Variants in SPAG16 observed in about 807,000 individuals in gnomAD.
The protein encoded by SPAG16 is sperm associated antigen 16.
SPAG16 carries 86 observed loss-of-function variants against 80.4 expected under a neutral mutation model. That is an observed-to-expected ratio of 1.07 (90% CI 0.90 to 1.28). The LOEUF is 1.28. Among genes scored for constraint, SPAG16 ranks in the 50% most tolerant of loss-of-function variants. SPAG16 has a pLI of 0.00. For missense variants in SPAG16, 870 were observed against 765.3 expected, an observed-to-expected ratio of 1.14 and a Z score of -1.61; for synonymous variants, 294 against 265.9, an observed-to-expected ratio of 1.11 and a Z score of -1.03.
At chr2:213,601,602 G>C (rs1366668560) in intron 10 of SPAG16, among the ~76,000 whole-genome samples, 2 of 151,228 alleles carry the variant, frequency 1.3e-5, no homozygotes, top group African/African-American at 4.9e-5. Flanking sequence ...CCTTAAATCT[G>C]AAATGAATAA....
At chr2:214,210,350 G>A in intron 15 of SPAG16, among the ~76,000 whole-genome samples, 1 of 151,926 alleles carries the variant, frequency 6.6e-6, no homozygotes, top group Non-Finnish European at 1.5e-5. Flanking sequence ...ACTTGCAGAT[G>A]AACCATGTAG....
chr2:213,644,280 C>T (rs760239073), intron 10 of SPAG16, among the ~76,000 whole-genome samples: 33 of 151,968 alleles, frequency 2.2e-4, no homozygotes, highest in Non-Finnish European at 4.3e-4. Flanking sequence ...TGTGTTTCTT[C>T]AGCACAGCTA....
In SPAG16 at chr2:214,200,932, G is replaced by C. The variant is rs988130900; in HGVS notation, c.1720+51666G>C. On this transcript the variant is annotated intron_variant, in intron 15 of 15. Transcript: ENST00000331683. ...AAATAATAATTACCACACATGGGAA[G>C]ACATTGTCTGAGACACAGAGTAATT... 2.6e-5 allele frequency among the ~76,000 whole-genome samples: 4 copies of C among 152,262 alleles called. No individual in the cohort carries two copies. The South Asian group carries it at 6.2e-4, about 24-fold the overall frequency.
chr2:213,493,798 A>T (rs552682612), intron 10 of SPAG16, among the ~76,000 whole-genome samples: 10 of 151,466 alleles, frequency 6.6e-5, no homozygotes, highest in South Asian at 2.1e-4. Context: ...TTGTTTAAAA[A>T]TTTTTTTTTC....
intron 6 of SPAG16, among the ~76,000 whole-genome samples, chr2:213,344,268 C>T (rs2064846065): frequency 6.6e-6 from 1 of 152,088 alleles, no homozygotes; most frequent in South Asian, 2.1e-4. Flanking sequence ...GGAGTGCTTC[C>T]TCTACTGTCT....
chr2:214,055,059 C>T (rs951121370), intron 13 of SPAG16, among the ~76,000 whole-genome samples: 3 of 152,096 alleles, frequency 2.0e-5, no homozygotes, highest in Non-Finnish European at 4.4e-5. Flanking sequence ...TTAAATTTGG[C>T]AGGCTTTTAG....
At chr2:214,070,823 A>G (rs1485557862) in intron 13 of SPAG16, among the ~76,000 whole-genome samples, 1 of 152,072 alleles carries the variant, frequency 6.6e-6, no homozygotes, top group Admixed American at 6.6e-5. Flanking sequence ...CTGCATATAT[A>G]TAGTATAACT....
At chr2:213,945,090 A>T (rs527372181) in intron 12 of SPAG16, among the ~76,000 whole-genome samples, 1 of 151,902 alleles carries the variant, frequency 6.6e-6, no homozygotes, top group South Asian at 2.1e-4. Flanking sequence ...GTTCTCTGCC[A>T]TGTGAAAATA....
At chr2:214,354,923 T>C (rs1333853867) in intron 15 of SPAG16, among the ~76,000 whole-genome samples, 14 of 152,266 alleles carry the variant, frequency 9.2e-5, no homozygotes, top group Admixed American at 3.9e-4. Context: ...GTTTTCTAGA[T>C]ATACAATCAT....
chr2:213,830,714 C>T (rs2073585444), intron 10 of SPAG16, among the ~76,000 whole-genome samples: 1 of 152,020 alleles, frequency 6.6e-6, no homozygotes, highest in African/African-American at 2.4e-5. Flanking sequence ...TGACATTATC[C>T]TGTATTGGAT....
At chr2:214,148,873 A>T (rs1245486451) in intron 14 of SPAG16, among the ~76,000 whole-genome samples, 1 of 151,858 alleles carries the variant, frequency 6.6e-6, no homozygotes, top group African/African-American at 2.4e-5. Context: ...AACTCCAAAA[A>T]TTTAGTGTAG....
intron 9 of SPAG16, among the ~76,000 whole-genome samples, chr2:213,433,390 G>C (rs1307531332): frequency 6.6e-6 from 1 of 152,172 alleles, no homozygotes; most frequent in Non-Finnish European, 1.5e-5. Context: ...ATTGATAAAT[G>C]TATTTAGTAA....
intron 15 of SPAG16, among the ~76,000 whole-genome samples, chr2:214,322,505 T>G (rs920196707): frequency 1.1e-5 from 1 of 94,184 alleles, no homozygotes; most frequent in Admixed American, 1.1e-4. Context: ...TGCCTCACCT[T>G]AGGCAAAAAA....
chr2:214,191,713 C>CAAAA (rs71037350), intron 15 of SPAG16, among the ~76,000 whole-genome samples: 3 of 68,790 alleles, frequency 4.4e-5, no homozygotes, highest in African/African-American at 3.3e-4. Flanking sequence ...GACTCTGTCT[C>CAAAA]AAAAAAAAAA....
intron 10 of SPAG16, among the ~76,000 whole-genome samples, chr2:213,620,598 T>G (rs1330670323): frequency 2.0e-5 from 3 of 152,058 alleles, no homozygotes. Context: ...GGCTGTATTG[T>G]GTATTTTCAA....
intron 15 of SPAG16, among the ~76,000 whole-genome samples, chr2:214,361,922 C>A (rs1321996354): frequency 8.6e-5 from 13 of 151,838 alleles, no homozygotes; most frequent in Non-Finnish European, 1.8e-4. Flanking sequence ...ATCTTATCTG[C>A]AGCTAGGGTG....
At chr2:213,589,881 C>T (rs1043758170) in intron 10 of SPAG16, among the ~76,000 whole-genome samples, 1 of 150,292 alleles carries the variant, frequency 6.7e-6, no homozygotes, top group Admixed American at 6.6e-5. Flanking sequence ...GAGATCGCGC[C>T]ATTGCACTCC....
chr2:213,372,964 T>C (rs2066714327), intron 8 of SPAG16, among the ~76,000 whole-genome samples: 1 of 152,192 alleles, frequency 6.6e-6, no homozygotes, highest in African/African-American at 2.4e-5. Context: ...AATTTAGCAC[T>C]GGAAGGTACA....
intron 10 of SPAG16, among the ~76,000 whole-genome samples, chr2:213,786,794 G>T (rs2070369214): frequency 6.6e-6 from 1 of 152,028 alleles, no homozygotes; most frequent in East Asian, 1.9e-4. Context: ...AAACTGATTT[G>T]AGCTGTGTTC....
Sources: gnomAD v4.1 joint callset for allele counts (sites outside exome capture counted in the v4.1 genomes callset) on GRCh38, gnomAD v4.1.1 for gene constraint, MANE v1.5 for transcripts, NCBI Gene and HGNC (gene_info 2026-07-23, HGNC 2026-07-21) for gene names.